SV2B: variants seen among roughly 807,000 people sequenced by gnomAD.
The protein encoded by SV2B is synaptic vesicle glycoprotein 2B, also known as solute carrier family 22 member B2.
Under a neutral mutation model 73.9 loss-of-function variants are expected in SV2B, and 41 were observed. That is an observed-to-expected ratio of 0.56 (90% CI 0.43 to 0.72). The LOEUF (loss-of-function observed/expected upper bound fraction) is 0.72. Among genes scored for constraint, SV2B ranks in the 30% least tolerant of loss-of-function variants. The pLI is 0.00. For synonymous variants in SV2B, 314 were observed against 314.2 expected, an observed-to-expected ratio of 1.00 and a Z score of 0.01; for missense variants, 764 against 857.8, an observed-to-expected ratio of 0.89 and a Z score of 1.37.
rs890835096 is a variant in SV2B at position 91,297,656 on chromosome 15, G to A, written c.*5104G>A. 4.6e-5 allele frequency: 7 copies of A among 152,192 alleles called. No individual in the cohort carries two copies. Among genetic ancestry groups the A allele is most frequent in the African/African-American group, 1.4e-4 (6 of 41,444 alleles). 9.4% of individuals were successfully genotyped at this position (152,192 alleles called of 1,614,324 possible). On this transcript the variant is annotated 3_prime_UTR_variant, in exon 13 of 13. Transcript: ENST00000394232. The surrounding 1 kb of genome is among the most constrained non-coding windows in gnomAD (Gnocchi z 5.1). ...GGTGGTACTTTGACTTGTCAGGGAA[G>A]TTCTATTGCTCTGATAACTTAAAAC...
chr15:91,159,887 TTGTC>T (rs996818832), intron 1 of SV2B, among the ~76,000 whole-genome samples: 10 of 152,144 alleles, frequency 6.6e-5, no homozygotes, highest in Non-Finnish European at 1.2e-4. Context: ...ATTAGAAAAT[TTGTC>T]TGGAAAAAAG....
intron 1 of SV2B, among the ~76,000 whole-genome samples, chr15:91,156,088 G>T (rs961983530): frequency 6.6e-6 from 1 of 152,098 alleles, no homozygotes; most frequent in African/African-American, 2.4e-5. Context: ...AGTGTTTTAT[G>T]TTCGTGTCAG....
chr15:91,221,978 C>G (rs1393229971), intron 1 of SV2B, among the ~76,000 whole-genome samples: 1 of 152,198 alleles, frequency 6.6e-6, no homozygotes, highest in East Asian at 1.9e-4. Context: ...GGATCAACTG[C>G]TGTAGGCCAC....
rs1217496600 is a variant in SV2B at position 91,220,052 on chromosome 15, A to G, written c.-391-5821A>G. Among the ~76,000 whole-genome samples the G allele has an allele frequency of 6.6e-6, 1 of 152,222 alleles. No homozygotes were observed. Among genetic ancestry groups the G allele is most frequent in the African/African-American group, 2.4e-5 (1 of 41,454 alleles). On this transcript the variant is annotated intron_variant, in intron 1 of 12. Transcript: ENST00000394232. This position sits in a 1 kb window ranked among gnomAD's most constrained non-coding sequence, Gnocchi z 4.1. ...TTTGTACTGTTCCCAGTTTGGGGCAATTATAATGTTGCTATTAACATTTGT... is the reference window on the plus strand; with the variant it reads ...TTTGTACTGTTCCCAGTTTGGGGCAGTTATAATGTTGCTATTAACATTTGT...
rs771903813 is a variant in SV2B, at chr15:91,292,430, A to G, written c.1930A>G (p.Ile644Val). 2 of 1,614,206 alleles carry G rather than the reference A, an allele frequency of 1.2e-6. No homozygotes were observed. The highest frequency in any genetic ancestry group is 1.7e-6 in the Non-Finnish European group (2 of 1,180,038). Reference sequence around the variant, plus strand: ...ATTTGGCGCCATCCTGGGAAACACCATCTTTGCTTCTTTTGTTGGGATAAC... The same window carrying G: ...ATTTGGCGCCATCCTGGGAAACACCGTCTTTGCTTCTTTTGTTGGGATAAC... ...CKFGAILGNT[I>V]FASFVGITKV... Residue 644 changes from isoleucine (I) to valine (V), a missense_variant, in exon 13 of 13, where the codon ATC becomes GTC. Coordinates refer to ENST00000394232, the MANE Select transcript of SV2B (RefSeq NM_001323032.3).
At chr15:91,198,455 A>ATG (rs5814467) in intron 1 of SV2B, among the ~76,000 whole-genome samples, 9,283 of 136,714 alleles carry the variant, frequency 0.068, 643 homozygotes, top group African/African-American at 0.17. Context: ...AAGCACGTGT[A>ATG]TGTGTGTGTG....
At chr15:91,285,077 A>G (rs1390010737) in intron 11 of SV2B, among the ~76,000 whole-genome samples, 1 of 152,236 alleles carries the variant, frequency 6.6e-6, no homozygotes, top group African/African-American at 2.4e-5. Context: ...GAAGCTTCCT[A>G]GCAGCAACGT....
rs1185916213 is a variant in SV2B, at chr15:91,214,733, TC to T, written c.-391-11138del. 1.3e-5 allele frequency among the ~76,000 whole-genome samples: 2 copies of T among 152,230 alleles called. No individual in the cohort carries two copies. Among genetic ancestry groups the T allele is most frequent in the African/African-American group, 4.8e-5 (2 of 41,460 alleles). ...CCCATAATTGGTCTTTGTTAGGGCT[TC>T]CTTCCCCATTCCACTGGCTCACTTA... On this transcript the variant is annotated intron_variant, in intron 1 of 12. Coordinates refer to ENST00000394232, the MANE Select transcript of SV2B (RefSeq NM_001323032.3). The surrounding 1 kb of genome is among the most constrained non-coding windows in gnomAD (Gnocchi z 4.7).
In SV2B at chr15:91,117,365, C is replaced by A. The variant is rs189996085; in HGVS notation, c.-392+17002C>A. The stretch of plus-strand genomic sequence containing the variant: ...ATACAGTGCTCAGCACAATGTTGGA[C>A]ATATAGCGAGGGTATTAATTAGCTG... On this transcript the variant is annotated intron_variant, in intron 1 of 12. Transcript: ENST00000394232. Among the ~76,000 whole-genome samples the A allele has an allele frequency of 2.0e-5, 3 of 152,348 alleles. No homozygotes were observed. The East Asian group carries it at 5.8e-4, about 29-fold the overall frequency.
intron 1 of SV2B, among the ~76,000 whole-genome samples, chr15:91,217,229 A>G (rs1000028282): frequency 3.9e-5 from 6 of 152,326 alleles, no homozygotes; most frequent in East Asian, 1.9e-4. Context: ...AGAATCTTCT[A>G]TGTTCAAGAC....
chr15:91,114,014 G>A (rs1012231563), intron 1 of SV2B, among the ~76,000 whole-genome samples: 1 of 152,028 alleles, frequency 6.6e-6, no homozygotes, highest in Non-Finnish European at 1.5e-5. Context: ...CTGGCACATA[G>A]TAGGTGCTCA....
intron 1 of SV2B, among the ~76,000 whole-genome samples, chr15:91,149,593 C>T (rs190807788): frequency 1.3e-5 from 2 of 152,314 alleles, no homozygotes; most frequent in South Asian, 2.1e-4. Flanking sequence ...CTGGGAGCCA[C>T]GCTCTTAGTC....
intron 1 of SV2B, among the ~76,000 whole-genome samples, chr15:91,186,042 G>T (rs895019284): frequency 6.6e-6 from 1 of 152,082 alleles, no homozygotes; most frequent in Non-Finnish European, 1.5e-5. Flanking sequence ...ACATACACGA[G>T]GATTCTTTAT....
chr15:91,137,106 C>A lies in SV2B; in HGVS notation c.-392+36743C>A, dbSNP rs1337513040. On this transcript the variant is annotated intron_variant, in intron 1 of 12. Transcript: ENST00000394232. This position sits in a 1 kb window ranked among gnomAD's most constrained non-coding sequence, Gnocchi z 4.9. ...TCGTAAGAAGCAGGCAGTCACTGAG[C>A]CTCAGTTTCCTCAGCTGGGAGGTGA... Among the ~76,000 whole-genome samples the A allele has an allele frequency of 6.6e-6, 1 of 152,128 alleles. No individual in the cohort carries two copies. Among genetic ancestry groups the A allele is most frequent in the Admixed American group, 6.5e-5 (1 of 15,272 alleles).
At position 91,139,969 on chromosome 15, in the gene SV2B, C is replaced by G. The variant is rs530797236; in HGVS notation, c.-392+39606C>G. On this transcript the variant is annotated intron_variant, in intron 1 of 12. Transcript: ENST00000394232. The surrounding 1 kb of genome is among the most constrained non-coding windows in gnomAD (Gnocchi z 5.2). ...GCCCAGATCATTTGGAAATTGGGCT[C>G]ATGCTCTGGGTCAATGATTCTCAAA... Among the ~76,000 whole-genome samples, 15 of 152,336 alleles carry G rather than the reference C, an allele frequency of 9.8e-5. No individual in the cohort carries two copies. The highest frequency in any genetic ancestry group is 3.6e-4 in the African/African-American group (15 of 41,562).
intron 1 of SV2B, among the ~76,000 whole-genome samples, chr15:91,208,551 T>C (rs917789992): frequency 3.9e-5 from 6 of 152,232 alleles, no homozygotes; most frequent in African/African-American, 1.2e-4. Flanking sequence ...CCCTGGATGA[T>C]GCCTGATGCA....
intron 1 of SV2B, among the ~76,000 whole-genome samples, chr15:91,119,415 A>G (rs2042264896): frequency 6.6e-6 from 1 of 151,846 alleles, no homozygotes; most frequent in Admixed American, 6.6e-5. Flanking sequence ...GACAAACCCC[A>G]CTCCTGGCTC....
At chr15:91,112,022 C>T (rs1251395938) in intron 1 of SV2B, among the ~76,000 whole-genome samples, 1 of 151,650 alleles carries the variant, frequency 6.6e-6, no homozygotes, top group Non-Finnish European at 1.5e-5. Context: ...ACCTCCAACA[C>T]TGAGGATTAC....
At position 91,275,205 on chromosome 15, in the gene SV2B, T is replaced by C. The variant is rs139829265; in HGVS notation, c.1374-6523T>C. On this transcript the variant is annotated intron_variant, in intron 9 of 12. Coordinates refer to ENST00000394232, the MANE Select transcript of SV2B (RefSeq NM_001323032.3). ...TATTTGTTTTGCATGTTTTTTGTTT[T>C]TTCTTTTCTCCCACCCTCTTTTAGA... Among the ~76,000 whole-genome samples the C allele has an allele frequency of 2.4e-3, 365 of 152,312 alleles. 2 individuals carry two copies. Among genetic ancestry groups the C allele is most frequent in the African/African-American group, 8.2e-3 (339 of 41,578 alleles).
Sources: allele counts gnomAD v4.1 joint callset (sites outside exome capture counted in the v4.1 genomes callset), GRCh38; gene constraint gnomAD v4.1.1; non-coding constraint Gnocchi (gnomAD v3.1); transcripts MANE v1.5; gene names NCBI Gene and HGNC (gene_info 2026-07-23, HGNC 2026-07-21).